Variants in SLC25A21 observed in about 807,000 individuals in gnomAD.
The protein encoded by SLC25A21 is solute carrier family 25 member 21.
SLC25A21 carries 47 observed loss-of-function variants against 43.8 expected under a neutral mutation model. The observed-to-expected ratio is 1.07, with a 90% CI of 0.85 to 1.37. The LOEUF (loss-of-function observed/expected upper bound fraction) is 1.37, where lower values mean the gene tolerates loss of function less well. Among genes scored for constraint, SLC25A21 ranks in the 40% most tolerant of loss-of-function variants. The probability of loss-of-function intolerance (pLI) is 0.00; values close to 1 mark genes in which losing one functional copy is unlikely to be tolerated. For synonymous variants in SLC25A21, 131 were observed against 121.3 expected (o/e 1.08, Z -0.52); for missense variants, 352 against 350.2 (o/e 1.00, Z -0.04).
intron 6 of SLC25A21, among the ~76,000 whole-genome samples, chr14:36,719,906 G>A (rs890919396): frequency 6.6e-6 from 1 of 152,132 alleles, no homozygotes; most frequent in African/African-American, 2.4e-5. Flanking sequence ...CGTTCTTGAT[G>A]GGAACTCCAC....
At chr14:36,921,174 C>T (rs1891970550) in intron 1 of SLC25A21, among the ~76,000 whole-genome samples, 1 of 151,994 alleles carries the variant, frequency 6.6e-6, no homozygotes, top group Non-Finnish European at 1.5e-5. Context: ...GAAATTGTGG[C>T]CCAATGAACT....
chr14:36,993,891 T>C (rs941274529), intron 1 of SLC25A21, among the ~76,000 whole-genome samples: 7 of 152,112 alleles, frequency 4.6e-5, no homozygotes, highest in Non-Finnish European at 7.4e-5. Context: ...TCGATGAGAA[T>C]TGCAACAACA....
intron 1 of SLC25A21, among the ~76,000 whole-genome samples, chr14:36,889,863 A>G (rs1328929840): frequency 6.6e-6 from 1 of 152,146 alleles, no homozygotes; most frequent in Non-Finnish European, 1.5e-5. Flanking sequence ...ATTTGCCTCT[A>G]TGGCCTTCAT....
intron 2 of SLC25A21, among the ~76,000 whole-genome samples, chr14:36,851,151 G>T (rs1889722227): frequency 6.6e-6 from 1 of 152,126 alleles, no homozygotes; most frequent in African/African-American, 2.4e-5. Flanking sequence ...ACTAAACTTG[G>T]TATTTTTTTA....
intron 1 of SLC25A21, among the ~76,000 whole-genome samples, chr14:37,035,437 ATC>A (rs1282387139): frequency 6.6e-6 from 1 of 152,252 alleles, no homozygotes; most frequent in Admixed American, 6.5e-5. Context: ...TGAGCTAACA[ATC>A]TCTGTTATTA....
chr14:37,096,863 C>T (rs1213325179), intron 1 of SLC25A21, among the ~76,000 whole-genome samples: 1 of 152,038 alleles, frequency 6.6e-6, no homozygotes, highest in East Asian at 1.9e-4. Flanking sequence ...CAGGATTGGT[C>T]AGTCGTAGCT....
chr14:36,932,459 T>C (rs1176790900), intron 1 of SLC25A21, among the ~76,000 whole-genome samples: 2 of 152,026 alleles, frequency 1.3e-5, no homozygotes, highest in Non-Finnish European at 2.9e-5. Context: ...TTTCTGTTCT[T>C]TATCATGTTA....
chr14:36,851,414 C>T (rs1889731651), intron 2 of SLC25A21, among the ~76,000 whole-genome samples: 1 of 152,142 alleles, frequency 6.6e-6, no homozygotes, highest in South Asian at 2.1e-4. Context: ...TATAATCAGG[C>T]AGCAAGAATT....
chr14:36,734,679 C>T, intron 3 of SLC25A21, 106 bp from the exon 4 acceptor site: 1 of 783,718 alleles, frequency 1.3e-6, no homozygotes, highest in Non-Finnish European at 2.1e-6. Flanking sequence ...CAACATAGCA[C>T]ACCAATCATG....
chr14:36,836,803 TAACAG>T (rs1184764105), intron 2 of SLC25A21, among the ~76,000 whole-genome samples: 1 of 152,100 alleles, frequency 6.6e-6, no homozygotes, highest in Non-Finnish European at 1.5e-5. Flanking sequence ...AAGGGGGAAT[TAACAG>T]AAAGTTTTTC....
At chr14:37,062,407 C>G (rs573564264) in intron 1 of SLC25A21, among the ~76,000 whole-genome samples, 154 of 152,220 alleles carry the variant, frequency 1.0e-3, no homozygotes, top group Middle Eastern at 3.4e-3. Flanking sequence ...CACTCAGACT[C>G]AAATCTCTAA....
chr14:37,141,423 T>C (rs1472195293), intron 1 of SLC25A21, among the ~76,000 whole-genome samples: 1 of 152,120 alleles, frequency 6.6e-6, no homozygotes, highest in Non-Finnish European at 1.5e-5. Context: ...ATGATCTAAG[T>C]GAGAAATCTT....
intron 1 of SLC25A21, among the ~76,000 whole-genome samples, chr14:37,149,660 CT>C (rs1358725176): frequency 1.3e-5 from 2 of 152,108 alleles, no homozygotes; most frequent in African/African-American, 2.4e-5. Flanking sequence ...CACTACTGAA[CT>C]CCAGCCTGGG....
intron 1 of SLC25A21, among the ~76,000 whole-genome samples, chr14:36,880,409 C>T (rs1346086252): frequency 6.6e-6 from 1 of 152,176 alleles, no homozygotes; most frequent in Non-Finnish European, 1.5e-5. Context: ...TTTTCTTCCA[C>T]ATATGCTAAT....
chr14:36,700,852 C>G (rs563972284), intron 7 of SLC25A21, among the ~76,000 whole-genome samples: 3 of 152,320 alleles, frequency 2.0e-5, no homozygotes, highest in African/African-American at 7.2e-5. Flanking sequence ...CACCTGGTAG[C>G]AACCGCAAGG....
chr14:36,855,590 C>T (rs867780084), intron 2 of SLC25A21, among the ~76,000 whole-genome samples: 28 of 152,254 alleles, frequency 1.8e-4, no homozygotes, highest in African/African-American at 5.8e-4. Flanking sequence ...AAATGCAAAT[C>T]GTTGGTCTCC....
At chr14:36,953,307 A>G (rs1363696574) in intron 1 of SLC25A21, among the ~76,000 whole-genome samples, 2 of 152,214 alleles carry the variant, frequency 1.3e-5, no homozygotes, top group African/African-American at 4.8e-5. Flanking sequence ...ATATTTTTCT[A>G]TGTAGCCCAA....
chr14:37,077,228 C>T (rs1962299408), intron 1 of SLC25A21, among the ~76,000 whole-genome samples: 2 of 152,048 alleles, frequency 1.3e-5, no homozygotes, highest in African/African-American at 2.4e-5. Flanking sequence ...ATGCTATCAG[C>T]AAAATAAACA....
chr14:36,865,031 C>CT (rs987569466), intron 2 of SLC25A21, among the ~76,000 whole-genome samples: 1,778 of 145,400 alleles, frequency 0.012, 30 homozygotes, highest in African/African-American at 0.039. Context: ...TTCTTTCTTT[C>CT]TTTTTTTTTT....
Sources: gnomAD v4.1 joint callset for allele counts (sites outside exome capture counted in the v4.1 genomes callset) on GRCh38, gnomAD v4.1.1 for gene constraint, MANE v1.5 for transcripts, NCBI Gene and HGNC (gene_info 2026-07-23, HGNC 2026-07-21) for gene names.